The following PRUNE2 variants were observed in gnomAD, a reference collection of about 807,000 sequenced individuals.
PRUNE2 encodes the protein prune homolog 2 with BCH domain.
PRUNE2 carries 164 observed loss-of-function variants against 252.0 expected under a neutral mutation model. The observed-to-expected ratio is 0.65, with a 90% confidence interval of 0.57 to 0.74. PRUNE2 has a LOEUF of 0.74. Among genes scored for constraint, PRUNE2 ranks in the 30% least tolerant of loss-of-function variants. The probability of loss-of-function intolerance (pLI) is 0.00; values close to 1 mark genes in which losing one functional copy is unlikely to be tolerated. For missense variants in PRUNE2, 3,495 were observed against 3,711.0 expected (o/e 0.94, Z 1.51); for synonymous variants, 1,292 against 1,350.2 (o/e 0.96, Z 0.94).
chr9:76,866,369 T>C (rs1439861080), intron 1 of PRUNE2, among the ~76,000 whole-genome samples: 1 of 152,264 alleles, frequency 6.6e-6, no homozygotes, highest in East Asian at 1.9e-4. Flanking sequence ...TAGGCACTGA[T>C]TTTACATACA....
intron 6 of PRUNE2, among the ~76,000 whole-genome samples, chr9:76,729,370 C>A (rs2048374982): frequency 6.6e-6 from 1 of 152,174 alleles, no homozygotes; most frequent in African/African-American, 2.4e-5. Context: ...TGTGGCTGGT[C>A]TGGGAACCAC....
At chr9:76,614,676 G>T (rs1828593572) in intron 18 of PRUNE2, 76 bp from the exon 19 acceptor site, 1 of 1,144,400 alleles carries the variant, frequency 8.7e-7, no homozygotes, top group Non-Finnish European at 1.3e-6. Flanking sequence ...GGGTAGCACT[G>T]TGTTTGCTTT....
rs1274826547 is a variant in PRUNE2, at chr9:76,710,717, A to G, written c.1557T>C (p.Asp519=). The G allele has an allele frequency of 5.6e-6, 9 of 1,612,920 alleles. No individual in the cohort carries two copies. The highest frequency in any genetic ancestry group is 2.2e-5 in the East Asian group (1 of 44,860). ...SSHSADYSPA[D]DFFPNSDLSE... is the part of the protein sequence containing the mutation. Reference sequence around the variant, plus strand: ...ACAGGTCACTGTTGGGGAAGAAGTCATCTGCTGGGGAGTAGTCTGCAGAAT... The same window carrying G: ...ACAGGTCACTGTTGGGGAAGAAGTCGTCTGCTGGGGAGTAGTCTGCAGAAT... The change falls in exon 8 of 19, where the codon GAT becomes GAC. Residue 519 remains aspartate, a synonymous_variant. Transcript: ENST00000376718.
intron 9 of PRUNE2, chr9:76,687,642 G>A: frequency 2.4e-6 from 1 of 424,278 alleles, no homozygotes; most frequent in Non-Finnish European, 4.8e-6. Context: ...TGTTTCTCAG[G>A]CCATTCATTC....
intron 9 of PRUNE2, among the ~76,000 whole-genome samples, chr9:76,666,830 G>A (rs1467107903): frequency 1.3e-5 from 2 of 152,026 alleles, no homozygotes; most frequent in African/African-American, 4.8e-5. Context: ...TGACCCTGTG[G>A]GGCTGGACCC....
At chr9:76,809,929 T>C (rs13293464) in intron 6 of PRUNE2, among the ~76,000 whole-genome samples, 8,873 of 152,298 alleles carry the variant, frequency 0.058, 239 homozygotes, top group Non-Finnish European at 0.069. Context: ...ACTGGTCAGA[T>C]TGGCTGTAGA....
intron 6 of PRUNE2, among the ~76,000 whole-genome samples, chr9:76,817,282 T>C (rs1227873403): frequency 2.0e-5 from 3 of 152,162 alleles, no homozygotes; most frequent in Non-Finnish European, 4.4e-5. Flanking sequence ...AGGGCTAGAA[T>C]AGGACTGGCC....
intron 6 of PRUNE2, among the ~76,000 whole-genome samples, chr9:76,735,506 C>T (rs1175515227): frequency 6.7e-6 from 1 of 148,324 alleles, no homozygotes; most frequent in Admixed American, 6.8e-5. Context: ...ACCAAAAGAA[C>T]TGGGGCTCCT....
chr9:76,738,467 G>A (rs748605307), intron 6 of PRUNE2: 31 of 152,182 alleles, frequency 2.0e-4, no homozygotes, highest in Admixed American at 5.9e-4. Flanking sequence ...TTCAATCTTT[G>A]TCCCTGGGAG....
At chr9:76,746,531 C>T (rs984277074) in intron 6 of PRUNE2, among the ~76,000 whole-genome samples, 13 of 151,138 alleles carry the variant, frequency 8.6e-5, no homozygotes, top group South Asian at 4.2e-4. Context: ...AGGTGAAACC[C>T]CGTCTCTACT....
chr9:76,619,527 A>G (rs1191262764), intron 17 of PRUNE2, 140 bp from the exon 18 acceptor site: 14 of 646,412 alleles, frequency 2.2e-5, no homozygotes, highest in Non-Finnish European at 3.1e-5. Context: ...TGAACAGATG[A>G]TAAGATTAAG....
intron 1 of PRUNE2, among the ~76,000 whole-genome samples, chr9:76,905,623 C>T (rs1002595365): frequency 1.3e-5 from 2 of 152,178 alleles, no homozygotes; most frequent in African/African-American, 4.8e-5. Flanking sequence ...ACCCATTTAT[C>T]CCTTAGCTTT....
At chr9:76,826,799 C>A in intron 4 of PRUNE2, 67 bp from the exon 5 acceptor site, 1 of 1,309,752 alleles carries the variant, frequency 7.6e-7, no homozygotes, top group South Asian at 1.5e-5. Flanking sequence ...CCAAGAAAAT[C>A]AGTGTTTCCT....
intron 1 of PRUNE2, among the ~76,000 whole-genome samples, chr9:76,871,046 G>A (rs931357484): frequency 2.0e-5 from 3 of 152,108 alleles, no homozygotes; most frequent in African/African-American, 4.8e-5. Flanking sequence ...GGAATCCTAC[G>A]TTATCCCTAT....
chr9:76,781,514 T>C (rs946445717), intron 6 of PRUNE2, among the ~76,000 whole-genome samples: 2 of 152,222 alleles, frequency 1.3e-5, no homozygotes, highest in African/African-American at 2.4e-5. Flanking sequence ...ATATGCTTGG[T>C]TTATAAACTT....
intron 1 of PRUNE2, among the ~76,000 whole-genome samples, chr9:76,890,185 A>C (rs2062382365): frequency 6.6e-6 from 1 of 152,226 alleles, no homozygotes; most frequent in African/African-American, 2.4e-5. Context: ...CCAGCTCTGC[A>C]AACTGGGCAT....
intron 1 of PRUNE2, among the ~76,000 whole-genome samples, chr9:76,858,720 C>A (rs1335429580): frequency 6.7e-6 from 1 of 148,156 alleles, no homozygotes; most frequent in Non-Finnish European, 1.5e-5. Flanking sequence ...AACAAACCTG[C>A]ATGTTCTGCA....
At position 76,705,751 on chromosome 9, in the gene PRUNE2, C is replaced by T. The variant is rs764252549; in HGVS notation, c.6523G>A (p.Ala2175Thr). Residue 2175 changes from alanine to threonine, a missense_variant, in exon 8 of 19, where the codon GCA becomes ACA. Coordinates refer to ENST00000376718, the MANE Select transcript of PRUNE2 (RefSeq NM_015225.3). The stretch of plus-strand genomic sequence containing the variant: ...GGCTGAGAGGAGCCCTTTATGTCTG[C>T]TTGATAGCCAATTGGAGGCAGCACA... ...ATVLPPIGYQADIKGSSQPAS... is the reference protein window; with the variant it reads ...ATVLPPIGYQTDIKGSSQPAS... The T allele has an allele frequency of 7.4e-6, 12 of 1,613,964 alleles. No individual in the cohort carries two copies. The South Asian group carries it at 1.2e-4, about 16-fold the overall frequency.
At chr9:76,627,227 A>G (rs1835227486) in intron 16 of PRUNE2, among the ~76,000 whole-genome samples, 1 of 144,456 alleles carries the variant, frequency 6.9e-6, no homozygotes, top group Admixed American at 7.9e-5. Context: ...TAATCTCTTG[A>G]GTAGCTAGGA....
Sources: gnomAD v4.1 joint callset for allele counts (sites outside exome capture counted in the v4.1 genomes callset) on GRCh38, gnomAD v4.1.1 for gene constraint, MANE v1.5 for transcripts, NCBI Gene and HGNC (gene_info 2026-07-23, HGNC 2026-07-21) for gene names.